The following SPATA1 variants were observed in gnomAD, a reference collection of about 807,000 sequenced individuals.
The protein encoded by SPATA1 is spermatogenesis-associated protein 1.
In SPATA1, 57 loss-of-function variants were observed where a neutral mutation model predicts 59.6. That is an observed-to-expected ratio of 0.96 (90% CI 0.77 to 1.19). SPATA1 has a LOEUF of 1.19. Ranked by LOEUF, SPATA1 falls within the 50% of genes most tolerant of loss-of-function variation. The pLI, the probability that SPATA1 is intolerant of heterozygous loss-of-function variation, is 0.00. For missense variants in SPATA1, 448 were observed against 480.7 expected (o/e 0.93, Z 0.64); for synonymous variants, 147 against 163.9 (o/e 0.90, Z 0.79).
At chr1:84,527,690 TTTA>T (rs1361698680) in intron 6 of SPATA1, 2 of 152,100 alleles carry the variant, frequency 1.3e-5, no homozygotes, top group Non-Finnish European at 2.9e-5. Context: ...TCCCCAACCC[TTTA>T]TTAATGTTTT....
downstream of SPATA1, chr1:84,554,981 T>C: frequency 4.4e-6 from 7 of 1,604,572 alleles, no homozygotes; most frequent in Non-Finnish European, 6.0e-6. Context: ...TAACTCTTAA[T>C]GGTTTGACAA....
chr1:84,510,479 A>C (rs553520616), intron 1 of SPATA1, among the ~76,000 whole-genome samples: 119 of 152,244 alleles, frequency 7.8e-4, no homozygotes, highest in Non-Finnish European at 1.5e-3. Flanking sequence ...CCCCAATTAA[A>C]GTGGCTTTTA....
chr1:84,537,593 G>A (rs908324027), intron 8 of SPATA1, among the ~76,000 whole-genome samples: 1 of 152,078 alleles, frequency 6.6e-6, no homozygotes, highest in African/African-American at 2.4e-5. Context: ...CCACAAATAT[G>A]GACTAAATTT....
intron 8 of SPATA1, among the ~76,000 whole-genome samples, chr1:84,534,221 C>T (rs556225637): frequency 4.6e-5 from 7 of 152,028 alleles, no homozygotes; most frequent in East Asian, 1.9e-4. Flanking sequence ...CTGGTTTAAA[C>T]GAGTTAATGA....
chr1:84,558,428 T>G (rs947923577), downstream of SPATA1, among the ~76,000 whole-genome samples: 3 of 150,424 alleles, frequency 2.0e-5, no homozygotes, highest in Admixed American at 6.6e-5. Flanking sequence ...TAGCTGGGAC[T>G]ACAGGCGCCC....
At chr1:84,550,487 G>T in exon 12 of SPATA1, 1 of 1,568,962 alleles carries the variant, frequency 6.4e-7, no homozygotes, top group Non-Finnish European at 8.6e-7. Context: ...CAGCTTAAGA[G>T]AAAACTAGAT....
At position 84,552,805 on chromosome 1, in the gene SPATA1, C is replaced by T. The variant is rs1392335038; in HGVS notation, c.1225-230C>T. On this transcript the variant is annotated intron_variant, in intron 12 of 12. Coordinates refer to ENST00000490879, the Ensembl canonical transcript of SPATA1. ...TTCAATTGTATTGTCCCTATCTACTCATAAACAAGGTTACCTTATAGCATA... is the reference window on the plus strand; with the variant it reads ...TTCAATTGTATTGTCCCTATCTACTTATAAACAAGGTTACCTTATAGCATA... 3 of 381,920 alleles carry T rather than the reference C, an allele frequency of 7.9e-6. 1 individual carries two copies. Among genetic ancestry groups the T allele is most frequent in the South Asian group, 8.5e-5 (2 of 23,478 alleles). 23.7% of individuals were successfully genotyped at this position (381,920 alleles called of 1,614,324 possible). A position where few individuals can be genotyped will look rare whatever the true frequency, so the allele number is the denominator to read the frequency against.
At chr1:84,529,016 CAT>C (rs1683349552) in intron 6 of SPATA1, among the ~76,000 whole-genome samples, 1 of 151,924 alleles carries the variant, frequency 6.6e-6, no homozygotes, top group African/African-American at 2.4e-5. Context: ...TATATTTTTT[CAT>C]ATATATATTC....
chr1:84,552,798 A>C, intron 12 of SPATA1: 1 of 365,884 alleles, frequency 2.7e-6, no homozygotes, highest in Non-Finnish European at 4.9e-6. Context: ...TATTGTCCCT[A>C]TCTACTCATA....
chr1:84,546,501 A>C (rs1425114672), intron 10 of SPATA1, among the ~76,000 whole-genome samples: 2 of 151,610 alleles, frequency 1.3e-5, no homozygotes, highest in Non-Finnish European at 2.9e-5. Context: ...ACTATGATAA[A>C]GGAATTACAA....
chr1:84,561,709 G>T (rs1353400284), intron 4 of SPATA1, among the ~76,000 whole-genome samples: 1 of 152,116 alleles, frequency 6.6e-6, no homozygotes, highest in Non-Finnish European at 1.5e-5. Flanking sequence ...CCACCACCCT[G>T]ATCAGTCAGC....
chr1:84,530,725 TAACTG>T (rs922207071), intron 6 of SPATA1, among the ~76,000 whole-genome samples: 54 of 152,194 alleles, frequency 3.5e-4, no homozygotes, highest in African/African-American at 1.2e-3. Context: ...AGAAATAACT[TAACTG>T]AAGTCATACA....
exon 6 of SPATA1, chr1:84,526,040 T>C: frequency 6.2e-7 from 1 of 1,612,158 alleles, no homozygotes; most frequent in Non-Finnish European, 8.5e-7. Context: ...AGAAAACACT[T>C]TGAAAGAGCT....
intron 2 of SPATA1, among the ~76,000 whole-genome samples, chr1:84,519,490 C>T (rs11163994): frequency 0.38 from 58,216 of 151,620 alleles, 12,737 homozygotes; most frequent in African/African-American, 0.59. Context: ...GTTCAAGAAA[C>T]AGTTTCCTCC....
At chr1:84,556,571 GC>G (rs1216931130), downstream of SPATA1, among the ~76,000 whole-genome samples, 6 of 152,060 alleles carry the variant, frequency 3.9e-5, no homozygotes, top group Admixed American at 1.3e-4. Flanking sequence ...AATTAGCTGG[GC>G]TTGGTGGTGC....
chr1:84,560,695 G>T (rs1055972546), intron 4 of SPATA1, among the ~76,000 whole-genome samples: 2 of 152,092 alleles, frequency 1.3e-5, no homozygotes, highest in Non-Finnish European at 2.9e-5. Context: ...CTCTTGTTAG[G>T]GACTAATGAG....
chr1:84,542,533 G>A (rs939050656), intron 8 of SPATA1, among the ~76,000 whole-genome samples: 3 of 151,614 alleles, frequency 2.0e-5, no homozygotes, highest in Non-Finnish European at 2.9e-5. Context: ...TCCACTTCAG[G>A]TAGAGCCCTC....
exon 11 of SPATA1, chr1:84,548,959 T>G: frequency 6.4e-7 from 1 of 1,572,680 alleles, no homozygotes. Context: ...CATCACAGAC[T>G]CCAAGGTATT....
rs1683631074 is a variant in SPATA1 at position 84,535,301 on chromosome 1, A to G, written c.717+1535A>G. 1.3e-5 allele frequency among the ~76,000 whole-genome samples: 2 copies of G among 152,020 alleles called. 1 individual carries two copies. The highest frequency in any genetic ancestry group is 4.1e-4 in the South Asian group (2 of 4,826). The stretch of plus-strand genomic sequence containing the variant: ...AGATTTCCAAGTCAATTTTTTTTCA[A>G]GATCATTTTGGTGATTCTAGATTCT... On this transcript the variant is annotated intron_variant, in intron 8 of 12. Transcript: ENST00000490879.
Sources: allele counts gnomAD v4.1 joint callset (sites outside exome capture counted in the v4.1 genomes callset), GRCh38; gene constraint gnomAD v4.1.1; transcripts MANE v1.5; gene names NCBI Gene and HGNC (gene_info 2026-07-23, HGNC 2026-07-21).